Variants in RANBP10 observed in about 807,000 individuals in gnomAD.
The protein encoded by RANBP10 is ran-binding protein 10.
A neutral mutation model predicts 72.8 loss-of-function variants in RANBP10; 24 were observed. The ratio of observed to expected loss-of-function variants is 0.33; its 90% CI spans 0.24 to 0.46. The LOEUF (loss-of-function observed/expected upper bound fraction) is 0.46. RANBP10 is among the 20% of genes least tolerant of loss of function. The probability of loss-of-function intolerance (pLI) is 1.00; values close to 1 mark genes in which losing one functional copy is unlikely to be tolerated. For synonymous variants in RANBP10, 310 were observed against 322.3 expected (o/e 0.96, Z 0.41); for missense variants, 679 against 817.5 (o/e 0.83, Z 2.07).
Position 67,805,341 on chromosome 16 carries a change from G to C in RANBP10, c.347+87C>G, listed in dbSNP as rs1597939179. Reference sequence around the variant, plus strand: ...CCATGCGGCTCCCCAGCTCACATCAGCAACAAGTGCCAGCCAAAGGACCTG... The same window carrying C: ...CCATGCGGCTCCCCAGCTCACATCACCAACAAGTGCCAGCCAAAGGACCTG... On this transcript the variant is annotated intron_variant, in intron 2 of 13. Transcript: ENST00000317506. 8 of 1,204,416 alleles carry C rather than the reference G, an allele frequency of 6.6e-6. No homozygotes were observed. The Admixed American group carries it at 1.5e-4, about 22-fold the overall frequency. 74.6% of individuals were successfully genotyped at this position (1,204,416 alleles called of 1,614,324 possible).
At chr16:67,788,191 CTGAT>C (rs367810791) in intron 2 of RANBP10, among the ~76,000 whole-genome samples, 94 of 152,006 alleles carry the variant, frequency 6.2e-4, no homozygotes, top group African/African-American at 2.2e-3. Flanking sequence ...GATTGACTGA[CTGAT>C]TGATTGATTG....
Position 67,806,295 on chromosome 16 carries a change from C to T in RANBP10, c.235+7G>A, listed in dbSNP as rs764007898. 8.1e-6 allele frequency: 13 copies of T among 1,606,240 alleles called. No individual in the cohort carries two copies. In the Admixed American group the frequency reaches 2.2e-4, roughly 27 times the overall value. ...CCTTAATTCCCCCCAGCCTGACGGG[C>T]CGATACCTTTGTAGTGGACGCGGAG... On this transcript the variant is annotated splice_region_variant and intron_variant, in intron 1 of 13. Transcript: ENST00000317506.
At chr16:67,777,522 C>T (rs2054729158) in intron 2 of RANBP10, among the ~76,000 whole-genome samples, 1 of 151,628 alleles carries the variant, frequency 6.6e-6, no homozygotes, top group Non-Finnish European at 1.5e-5. Context: ...GGCGACAAAG[C>T]GAGACTCCAT....
intron 2 of RANBP10, among the ~76,000 whole-genome samples, chr16:67,778,859 G>A (rs1319465121): frequency 1.3e-5 from 2 of 150,986 alleles, no homozygotes; most frequent in African/African-American, 4.9e-5. Flanking sequence ...TTGGGAGGCC[G>A]AGGCAGATGG....
At chr16:67,751,366 G>A (rs1464596010) in intron 3 of RANBP10, among the ~76,000 whole-genome samples, 1 of 152,204 alleles carries the variant, frequency 6.6e-6, no homozygotes, top group African/African-American at 2.4e-5. Context: ...GATTTTGCCT[G>A]TAATCCCAAG....
chr16:67,806,236 G>A (rs967357152), intron 1 of RANBP10, 66 bp downstream of exon 1: 11 of 1,429,612 alleles, frequency 7.7e-6, no homozygotes, highest in Admixed American at 6.8e-5. Flanking sequence ...TAGGGCGGGG[G>A]CCTGGCAGCA....
intron 3 of RANBP10, among the ~76,000 whole-genome samples, chr16:67,754,073 C>A (rs1783802658): frequency 6.7e-6 from 1 of 148,256 alleles, no homozygotes; most frequent in Non-Finnish European, 1.5e-5. Context: ...GCGGAGCTTG[C>A]AGTGAGCAGA....
At chr16:67,802,907 CTTCCCTTCTGAAGTTGG>C (rs1410484593) in intron 2 of RANBP10, among the ~76,000 whole-genome samples, 1 of 152,126 alleles carries the variant, frequency 6.6e-6, no homozygotes, top group Non-Finnish European at 1.5e-5. Context: ...AGTGTAAACA[CTTCCCTTCTGAAGTTGG>C]TCTCTGCTCT....
intron 3 of RANBP10, among the ~76,000 whole-genome samples, chr16:67,756,728 A>G (rs901636774): frequency 1.2e-4 from 19 of 152,068 alleles, no homozygotes; most frequent in Non-Finnish European, 2.5e-4. Flanking sequence ...AACAAAACAA[A>G]AAACACCCCA....
chr16:67,793,229 C>T (rs1050033891), intron 2 of RANBP10, among the ~76,000 whole-genome samples: 3 of 151,962 alleles, frequency 2.0e-5, no homozygotes, highest in Non-Finnish European at 4.4e-5. Context: ...CCACAAATGT[C>T]CTTTGGTACA....
intron 3 of RANBP10, among the ~76,000 whole-genome samples, chr16:67,760,333 C>T (rs1471415008): frequency 6.6e-6 from 1 of 152,190 alleles, no homozygotes; most frequent in East Asian, 1.9e-4. Flanking sequence ...GGCACAGACC[C>T]CTGGTGTTCT....
intron 6 of RANBP10, among the ~76,000 whole-genome samples, chr16:67,733,943 A>G (rs1195995042): frequency 6.6e-6 from 1 of 152,246 alleles, no homozygotes; most frequent in East Asian, 1.9e-4. Context: ...CTGCTCTGGG[A>G]GTGGCGCTGT....
At chr16:67,760,230 T>C (rs1285382729) in intron 3 of RANBP10, among the ~76,000 whole-genome samples, 1 of 152,224 alleles carries the variant, frequency 6.6e-6, no homozygotes, top group Non-Finnish European at 1.5e-5. Context: ...GCTGTACTCT[T>C]AGGAGGACAG....
intron 6 of RANBP10, among the ~76,000 whole-genome samples, chr16:67,734,153 C>G (rs1158584854): frequency 6.6e-6 from 1 of 152,240 alleles, no homozygotes; most frequent in Non-Finnish European, 1.5e-5. Context: ...CACCCTGGTG[C>G]CTTTGCAGGG....
intron 3 of RANBP10, among the ~76,000 whole-genome samples, chr16:67,758,478 C>T (rs531923163): frequency 1.3e-5 from 2 of 152,272 alleles, no homozygotes; most frequent in African/African-American, 2.4e-5. Flanking sequence ...TCCTGAGCGA[C>T]GGCCAACCCC....
At chr16:67,735,831 A>G (rs1567677365) in intron 5 of RANBP10, 1 of 151,962 alleles carries the variant, frequency 6.6e-6, no homozygotes, top group Non-Finnish European at 1.5e-5. Flanking sequence ...ATGACGCAGG[A>G]AAGGAGGGAG....
At chr16:67,749,148 AAG>A (rs966556437) in intron 3 of RANBP10, among the ~76,000 whole-genome samples, 4 of 152,182 alleles carry the variant, frequency 2.6e-5, no homozygotes, top group African/African-American at 9.7e-5. Flanking sequence ...AAGGGCTGAC[AAG>A]AGAGGCAGAG....
intron 2 of RANBP10, among the ~76,000 whole-genome samples, chr16:67,777,254 A>T (rs111324541): frequency 0.053 from 8,093 of 151,998 alleles, 624 homozygotes; most frequent in African/African-American, 0.17. Context: ...TAAATAAAGT[A>T]GGCTGGGCGC....
chr16:67,753,191 G>A (rs1306905388), intron 3 of RANBP10, among the ~76,000 whole-genome samples: 2 of 144,824 alleles, frequency 1.4e-5, no homozygotes, highest in Non-Finnish European at 3.0e-5. Context: ...GGGAAACAGA[G>A]AGAAATCTCA....
Sources: allele counts gnomAD v4.1 joint callset (sites outside exome capture counted in the v4.1 genomes callset), GRCh38; gene constraint gnomAD v4.1.1; transcripts MANE v1.5; gene names NCBI Gene and HGNC (gene_info 2026-07-23, HGNC 2026-07-21).